Variants in SRBD1 observed in about 807,000 individuals in gnomAD.
SRBD1 encodes S1 RNA binding domain 1.
SRBD1 carries 88 observed loss-of-function variants against 115.3 expected under a neutral mutation model. The ratio of observed to expected loss-of-function variants is 0.76; its 90% CI spans 0.64 to 0.91. The LOEUF is 0.91. Among genes scored for constraint, SRBD1 ranks in the 40% least tolerant of loss-of-function variants. The probability of loss-of-function intolerance (pLI) is 0.00; values close to 1 mark genes in which losing one functional copy is unlikely to be tolerated. For missense variants in SRBD1, 1,385 were observed against 1,177.4 expected, an observed-to-expected ratio of 1.18 and a Z score of -2.58; for synonymous variants, 509 against 407.7, an observed-to-expected ratio of 1.25 and a Z score of -2.99.
intron 14 of SRBD1, among the ~76,000 whole-genome samples, chr2:45,497,154 G>A (rs1208822294): frequency 2.0e-5 from 3 of 152,020 alleles, no homozygotes; most frequent in Non-Finnish European, 4.4e-5. Flanking sequence ...TTCTACTGTC[G>A]CTATGGCAAA....
At chr2:45,502,732 G>T (rs1224411567) in intron 14 of SRBD1, among the ~76,000 whole-genome samples, 3 of 151,968 alleles carry the variant, frequency 2.0e-5, no homozygotes, top group Non-Finnish European at 4.4e-5. Context: ...TAATGTAAAT[G>T]ATGAGTTAAG....
chr2:45,428,801 G>A (rs955111296), intron 16 of SRBD1, among the ~76,000 whole-genome samples: 1 of 151,980 alleles, frequency 6.6e-6, no homozygotes, highest in Non-Finnish European at 1.5e-5. Context: ...CAGAAGACAA[G>A]AAATAACTTA....
At chr2:45,448,248 G>C (rs995633375) in intron 16 of SRBD1, among the ~76,000 whole-genome samples, 1 of 152,106 alleles carries the variant, frequency 6.6e-6, no homozygotes, top group African/African-American at 2.4e-5. Flanking sequence ...TGTGCTTCAA[G>C]TTGTTTTATC....
intron 16 of SRBD1, among the ~76,000 whole-genome samples, chr2:45,432,003 G>GTATTTATTTATTTATTTATT (rs3047186): frequency 2.6e-4 from 37 of 142,932 alleles, no homozygotes; most frequent in Middle Eastern, 3.6e-3. Flanking sequence ...AGAGTTAAAA[G>GTATTTATTTATTTATTTATT]TATTTATTTA....
chr2:45,497,835 G>A (rs532944568), intron 14 of SRBD1, among the ~76,000 whole-genome samples: 1 of 151,988 alleles, frequency 6.6e-6, no homozygotes, highest in East Asian at 1.9e-4. Flanking sequence ...AGGAGTTCAA[G>A]ACCAGCCTGA....
chr2:45,421,264 T>G (rs1032073014), intron 16 of SRBD1, among the ~76,000 whole-genome samples: 1 of 151,888 alleles, frequency 6.6e-6, no homozygotes, highest in African/African-American at 2.4e-5. Context: ...TCTCAGCACT[T>G]TGGGAGGCCG....
At chr2:45,482,613 AACACACACACACACAC>A (rs70937962) in intron 15 of SRBD1, among the ~76,000 whole-genome samples, 2 of 148,560 alleles carry the variant, frequency 1.3e-5, no homozygotes, top group African/African-American at 2.5e-5. Flanking sequence ...CACAACGTTA[AACACACACACACACAC>A]ACACACACAC....
intron 14 of SRBD1, among the ~76,000 whole-genome samples, chr2:45,505,875 T>C (rs1362554166): frequency 6.6e-6 from 1 of 152,204 alleles, no homozygotes; most frequent in Non-Finnish European, 1.5e-5. Context: ...TCTATTTAGA[T>C]ATCCTCTGCC....
intron 16 of SRBD1, among the ~76,000 whole-genome samples, chr2:45,442,643 G>A (rs768249110): frequency 1.3e-5 from 2 of 152,232 alleles, no homozygotes; most frequent in African/African-American, 2.4e-5. Context: ...ATATGAGCAA[G>A]ATCAGGACTC....
intron 16 of SRBD1, among the ~76,000 whole-genome samples, chr2:45,461,771 T>C (rs2103774848): frequency 6.6e-6 from 1 of 152,326 alleles, no homozygotes; most frequent in African/African-American, 2.4e-5. Context: ...GTGCCTCATT[T>C]TCCTTGACTC....
chr2:45,470,488 G>A (rs1223725305), intron 16 of SRBD1, among the ~76,000 whole-genome samples: 1 of 152,158 alleles, frequency 6.6e-6, no homozygotes, highest in Non-Finnish European at 1.5e-5. Flanking sequence ...AGGCACAAAG[G>A]AGGAAAGAGC....
chr2:45,536,008 G>A (rs1225487109), intron 14 of SRBD1, among the ~76,000 whole-genome samples: 2 of 151,888 alleles, frequency 1.3e-5, no homozygotes. Flanking sequence ...CTTTGTATAT[G>A]TCCTTGTAAA....
chr2:45,438,213 TG>T lies in SRBD1; in HGVS notation c.2050-18320del, dbSNP rs1668559868. ...AAAAAAATCCCTATATGATTCATTC[TG>T]ATCTGATAGTCTGATCTGAGAGTTA... On this transcript the variant is annotated intron_variant, in intron 16 of 20. Transcript: ENST00000263736. Among the ~76,000 whole-genome samples the T allele has an allele frequency of 3.3e-5, 5 of 152,340 alleles. No individual in the cohort carries two copies. In the South Asian group the frequency reaches 1.0e-3, roughly 32 times the overall value.
chr2:45,415,518 A>C (rs1213360632), intron 18 of SRBD1, among the ~76,000 whole-genome samples: 1 of 147,122 alleles, frequency 6.8e-6, no homozygotes, highest in Admixed American at 6.8e-5. Context: ...GTGTATGTGT[A>C]TATGTATATA....
chr2:45,403,253 T>G (rs780274213), intron 19 of SRBD1, among the ~76,000 whole-genome samples: 3 of 152,070 alleles, frequency 2.0e-5, no homozygotes, highest in Non-Finnish European at 4.4e-5. Context: ...AAAGGCAACA[T>G]TAGGAAAGGA....
intron 16 of SRBD1, among the ~76,000 whole-genome samples, chr2:45,463,021 G>C (rs930625161): frequency 2.5e-4 from 8 of 31,822 alleles, no homozygotes; most frequent in South Asian, 8.1e-4. Flanking sequence ...ATAACCCGGG[G>C]GGGGGGGGGG....
At chr2:45,412,182 G>A (rs1018203695) in intron 19 of SRBD1, among the ~76,000 whole-genome samples, 1 of 152,052 alleles carries the variant, frequency 6.6e-6, no homozygotes, top group Admixed American at 6.6e-5. Context: ...AAAACAGATA[G>A]AATAAAATGT....
At chr2:45,402,300 C>T (rs989472395) in intron 19 of SRBD1, among the ~76,000 whole-genome samples, 5 of 152,096 alleles carry the variant, frequency 3.3e-5, no homozygotes, top group Admixed American at 2.0e-4. Context: ...GGCTTTTGTA[C>T]AGAAGTTTCT....
chr2:45,499,926 T>C (rs1192105100), intron 14 of SRBD1, among the ~76,000 whole-genome samples: 8 of 152,188 alleles, frequency 5.3e-5, no homozygotes, highest in African/African-American at 1.7e-4. Context: ...AATCAGGTAG[T>C]GTGATGCCTT....
Sources: allele counts gnomAD v4.1 joint callset (sites outside exome capture counted in the v4.1 genomes callset), GRCh38; gene constraint gnomAD v4.1.1; transcripts MANE v1.5; gene names NCBI Gene and HGNC (gene_info 2026-07-23, HGNC 2026-07-21).